SMAD2: variants seen among roughly 807,000 people sequenced by gnomAD.
SMAD2 encodes SMAD family member 2.
In SMAD2, 8 loss-of-function variants were observed where a neutral mutation model predicts 64.4. The ratio of observed to expected loss-of-function variants is 0.12; its 90% confidence interval spans 0.07 to 0.22. The LOEUF (loss-of-function observed/expected upper bound fraction) is 0.22. SMAD2 is among the 10% of genes least tolerant of loss of function. The probability of loss-of-function intolerance (pLI) is 1.00; values close to 1 mark genes in which losing one functional copy is unlikely to be tolerated. For missense variants in SMAD2, 289 were observed against 561.2 expected, an observed-to-expected ratio of 0.51 and a Z score of 4.90; for synonymous variants, 203 against 195.8, an observed-to-expected ratio of 1.04 and a Z score of -0.31.
At position 47,816,807 on chromosome 18, in the gene SMAD2, A is replaced by G. The variant is rs991589919; in HGVS notation, c.*25020T>C. The stretch of plus-strand genomic sequence containing the variant: ...GAGACGTAGTTTTGCACTGTCGCCC[A>G]GGCTGGAGTGCAGTGGCACATCTAG... On this transcript the variant is annotated 3_prime_UTR_variant, in exon 11 of 11. Coordinates refer to ENST00000262160, the MANE Select transcript of SMAD2 (RefSeq NM_005901.6). 1 of 131,408 alleles carries G rather than the reference A, an allele frequency of 7.6e-6. No homozygotes were observed. Among genetic ancestry groups the G allele is most frequent in the Non-Finnish European group, 1.6e-5 (1 of 64,110 alleles). 8.1% of individuals were successfully genotyped at this position (131,408 alleles called of 1,614,324 possible). A position where few individuals can be genotyped will look rare whatever the true frequency, so the allele number is the denominator to read the frequency against.
chr18:47,897,359 C>A (rs932714359), intron 1 of SMAD2, among the ~76,000 whole-genome samples: 1 of 140,968 alleles, frequency 7.1e-6, no homozygotes, highest in Non-Finnish European at 1.5e-5. Context: ...TCCGGTTTCA[C>A]CTGCTCTTGA....
chr18:47,848,616 C>T lies in SMAD2; in HGVS notation c.856G>A (p.Val286Ile), dbSNP rs1303977366. ...TGTGATGCATGGAAGGTTTCTCCAACCCTCTGATTTAATTCATAATATGCT... is the reference window on the plus strand; with the variant it reads ...TGTGATGCATGGAAGGTTTCTCCAATCCTCTGATTTAATTCATAATATGCT... ...SIAYYELNQR[V>I]GETFHASQPS... The change falls in exon 8 of 11, where the codon GTT becomes ATT. Residue 286 changes from valine to isoleucine, a missense_variant. By Grantham distance (29) the Val-to-Ile change is conservative. Coordinates refer to ENST00000262160, the MANE Select transcript of SMAD2 (RefSeq NM_005901.6). The T allele has an allele frequency of 6.2e-7, 1 of 1,613,886 alleles. No individual in the cohort carries two copies. The highest frequency in any genetic ancestry group is 2.2e-5 in the East Asian group (1 of 44,866).
chr18:47,866,048 G>C (rs967235415), intron 5 of SMAD2, among the ~76,000 whole-genome samples: 1 of 152,114 alleles, frequency 6.6e-6, no homozygotes, highest in African/African-American at 2.4e-5. Context: ...CAGGCGCGGT[G>C]GCTTATGCCT....
Position 47,918,169 on chromosome 18 carries a change from T to C in SMAD2, c.-54+12192A>G, listed in dbSNP as rs536356821. Among the ~76,000 whole-genome samples the C allele has an allele frequency of 3.9e-5, 6 of 152,290 alleles. No homozygotes were observed. In the South Asian group the frequency reaches 1.2e-3, roughly 32 times the overall value. ...TCCGCCCCTACTGTCTCTGGATAACTAATCCTCTGCCTCAACGTTTACTTT... is the reference window on the plus strand; with the variant it reads ...TCCGCCCCTACTGTCTCTGGATAACCAATCCTCTGCCTCAACGTTTACTTT... On this transcript the variant is annotated intron_variant, in intron 1 of 10. Transcript: ENST00000262160.
At chr18:47,844,297 A>T (rs1262633330) in intron 10 of SMAD2, among the ~76,000 whole-genome samples, 1 of 152,208 alleles carries the variant, frequency 6.6e-6, no homozygotes, top group African/African-American at 2.4e-5. Flanking sequence ...CAAGTCCAAA[A>T]CAAATAAATT....
In SMAD2 at chr18:47,829,684, A is replaced by C. The variant is rs1427933683; in HGVS notation, c.*12143T>G. 6.6e-6 allele frequency: 1 copy of C among 152,240 alleles called. No homozygotes were observed. The highest frequency in any genetic ancestry group is 1.5e-5 in the Non-Finnish European group (1 of 68,040). 9.4% of individuals were successfully genotyped at this position (152,240 alleles called of 1,614,324 possible). ...AGTGCATAGGCAGTATGAAGTAGAC[A>C]CTTTGGCAAATAAAAACTGCACCGT... is the stretch of plus-strand genomic sequence containing the variant. On this transcript the variant is annotated 3_prime_UTR_variant, in exon 11 of 11. Transcript: ENST00000262160.
intron 2 of SMAD2, among the ~76,000 whole-genome samples, chr18:47,879,949 AT>A (rs1412089340): frequency 1.3e-5 from 2 of 152,134 alleles, no homozygotes; most frequent in Non-Finnish European, 2.9e-5. Flanking sequence ...GATATTACAC[AT>A]TTTTCCATTT....
rs773233757 is a variant in SMAD2, at chr18:47,868,422, T to A, written c.556A>T (p.Ile186Phe). The A allele has an allele frequency of 1.2e-6, 2 of 1,611,922 alleles. No homozygotes were observed. The highest frequency in any genetic ancestry group is 1.7e-6 in the Non-Finnish European group (2 of 1,178,546). Residue 186 changes from isoleucine (I) to phenylalanine (F), a missense_variant, in exon 5 of 11, where the codon ATC (isoleucine) becomes TTC (phenylalanine). Physicochemically the swap from Ile to Phe is conservative, Grantham distance 21 (BLOSUM62 0). Coordinates refer to ENST00000262160, the MANE Select transcript of SMAD2 (RefSeq NM_005901.6). ...PPVLVPRHTE[I>F]LTELPPLDDY... ...TCCAGAGGCGGAAGTTCTGTTAGGA[T>A]CTCGGTGTGTCGGGGCACTAATACT...
chr18:47,882,154 G>A (rs113238033), intron 2 of SMAD2, among the ~76,000 whole-genome samples: 4 of 147,010 alleles, frequency 2.7e-5, no homozygotes, highest in African/African-American at 1.0e-4. Context: ...CCAAAGTGCT[G>A]GGATTAGAGG....
At chr18:47,875,120 A>C (rs1259548624) in intron 2 of SMAD2, among the ~76,000 whole-genome samples, 1 of 152,052 alleles carries the variant, frequency 6.6e-6, no homozygotes, top group Non-Finnish European at 1.5e-5. Flanking sequence ...TCTCACATGA[A>C]CCTTTGGTAC....
intron 6 of SMAD2, among the ~76,000 whole-genome samples, chr18:47,858,522 A>T (rs1366624767): frequency 6.6e-6 from 1 of 152,206 alleles, no homozygotes; most frequent in African/African-American, 2.4e-5. Flanking sequence ...TATCCCTTCT[A>T]ATTTCCTTTA....
chr18:47,859,909 C>A (rs1346763106), intron 6 of SMAD2, among the ~76,000 whole-genome samples: 1 of 152,112 alleles, frequency 6.6e-6, no homozygotes, highest in Non-Finnish European at 1.5e-5. Flanking sequence ...TAACAAATAT[C>A]AGAAATAACT....
chr18:47,929,525 T>C (rs369802421), intron 1 of SMAD2, among the ~76,000 whole-genome samples: 1 of 152,224 alleles, frequency 6.6e-6, no homozygotes, highest in African/African-American at 2.4e-5. Context: ...ATAGTCCAAA[T>C]TGCAACAAAC....
At chr18:47,879,495 C>CACGTGTGTGTGT (rs150623286) in intron 2 of SMAD2, among the ~76,000 whole-genome samples, 2 of 141,340 alleles carry the variant, frequency 1.4e-5, no homozygotes, top group Non-Finnish European at 1.5e-5. Context: ...ATGTATATGA[C>CACGTGTGTGTGT]GTGTGTGTGT....
chr18:47,907,357 C>T (rs1403276241), intron 1 of SMAD2, among the ~76,000 whole-genome samples: 2 of 152,128 alleles, frequency 1.3e-5, no homozygotes, highest in East Asian at 1.9e-4. Context: ...TGAGCTTATA[C>T]ACTCCACAAC....
intron 10 of SMAD2, 77 bp downstream of exon 10, chr18:47,845,263 G>C (rs1298737090): frequency 7.3e-7 from 1 of 1,369,170 alleles, no homozygotes; most frequent in Non-Finnish European, 1.0e-6. Flanking sequence ...AGATACAAAT[G>C]AACTCCAGAA....
chr18:47,850,868 T>A (rs2029982011), intron 7 of SMAD2, among the ~76,000 whole-genome samples: 2 of 83,330 alleles, frequency 2.4e-5, no homozygotes, highest in African/African-American at 4.4e-5. Flanking sequence ...TTATATATAT[T>A]ATGTATAATA....
chr18:47,870,379 T>C, intron 3 of SMAD2, 96 bp downstream of exon 3: 1 of 859,632 alleles, frequency 1.2e-6, no homozygotes, highest in Non-Finnish European at 2.0e-6. Flanking sequence ...GGAAACATCC[T>C]AGGCAAAATT....
chr18:47,919,469 TACAC>T (rs66523523), intron 1 of SMAD2, among the ~76,000 whole-genome samples: 8,903 of 129,704 alleles, frequency 0.069, 426 homozygotes, highest in African/African-American at 0.11. Context: ...AAAAAAAAAA[TACAC>T]ACACACACAC....
Sources: allele counts gnomAD v4.1 joint callset (sites outside exome capture counted in the v4.1 genomes callset), GRCh38; gene constraint gnomAD v4.1.1; transcripts MANE v1.5; gene names NCBI Gene and HGNC (gene_info 2026-07-23, HGNC 2026-07-21).